Variants in IMMP2L observed in about 807,000 individuals in gnomAD.
IMMP2L encodes the protein mitochondrial inner membrane protease subunit 2.
A neutral mutation model predicts 19.3 loss-of-function variants in IMMP2L; 18 were observed. The observed-to-expected ratio is 0.93, with a 90% CI of 0.64 to 1.38. IMMP2L has a LOEUF of 1.38. IMMP2L is among the 40% of genes most tolerant of loss of function. The probability of loss-of-function intolerance (pLI) is 0.00; values close to 1 mark genes in which losing one functional copy is unlikely to be tolerated. For missense variants in IMMP2L, 233 were observed against 218.2 expected, an observed-to-expected ratio of 1.07 and a Z score of -0.43; for synonymous variants, 76 against 73.0, an observed-to-expected ratio of 1.04 and a Z score of -0.21.
chr7:111,445,917 T>C (rs1038201631), intron 3 of IMMP2L, among the ~76,000 whole-genome samples: 8 of 152,190 alleles, frequency 5.3e-5, no homozygotes, highest in Non-Finnish European at 1.2e-4. Context: ...GTCAGGGAGT[T>C]CCCTTTCCTA....
At chr7:110,730,867 T>C (rs1360010782) in intron 5 of IMMP2L, among the ~76,000 whole-genome samples, 4 of 152,210 alleles carry the variant, frequency 2.6e-5, no homozygotes, top group East Asian at 1.9e-4. Flanking sequence ...CACCCTCTTA[T>C]GGGACTTCAC....
rs186425481 is a variant in IMMP2L at position 111,528,478 on chromosome 7, A to T, written c.-2-7029T>A. On this transcript the variant is annotated intron_variant, in intron 1 of 5. Transcript: ENST00000405709. Reference sequence around the variant, plus strand: ...TTAAACTGAGAATATTTTTTAAATAAGCTTTCAGAATCAAGTGAAACCATA... The same window carrying T: ...TTAAACTGAGAATATTTTTTAAATATGCTTTCAGAATCAAGTGAAACCATA... 1.8e-3 allele frequency among the ~76,000 whole-genome samples: 281 copies of T among 152,328 alleles called. 1 individual carries two copies. The highest frequency in any genetic ancestry group is 6.5e-3 in the African/African-American group (271 of 41,576).
intron 3 of IMMP2L, among the ~76,000 whole-genome samples, chr7:110,991,975 G>T (rs1278133280): frequency 1.3e-5 from 2 of 152,030 alleles, no homozygotes; most frequent in Non-Finnish European, 2.9e-5. Context: ...CATATCCATT[G>T]GCCAAGACTT....
intron 3 of IMMP2L, among the ~76,000 whole-genome samples, chr7:111,476,764 T>C (rs747901025): frequency 2.0e-5 from 3 of 152,152 alleles, no homozygotes; most frequent in Non-Finnish European, 1.5e-5. Flanking sequence ...GGCCCCTGAA[T>C]CTTCAAAGGC....
intron 4 of IMMP2L, among the ~76,000 whole-genome samples, chr7:110,953,274 A>G (rs528264242): frequency 6.6e-6 from 1 of 152,140 alleles, no homozygotes; most frequent in East Asian, 1.9e-4. Context: ...CCATCAGCCC[A>G]TCACCTACAT....
chr7:111,229,318 T>C (rs775915476), intron 3 of IMMP2L, among the ~76,000 whole-genome samples: 58 of 151,958 alleles, frequency 3.8e-4, no homozygotes, highest in Non-Finnish European at 6.8e-4. Context: ...AACAGAAACT[T>C]AGGATAGTAA....
At chr7:111,091,022 TG>T (rs1796802450) in intron 3 of IMMP2L, 1 of 152,254 alleles carries the variant, frequency 6.6e-6, no homozygotes, top group African/African-American at 2.4e-5. Flanking sequence ...CCAACCAGAC[TG>T]GAGCAGCTGC....
At chr7:111,016,389 T>C (rs1825543376) in intron 3 of IMMP2L, among the ~76,000 whole-genome samples, 1 of 142,470 alleles carries the variant, frequency 7.0e-6, no homozygotes, top group African/African-American at 2.6e-5. Flanking sequence ...ATGATATATA[T>C]TTTTATATAT....
chr7:111,274,415 A>G (rs969340904), intron 3 of IMMP2L, among the ~76,000 whole-genome samples: 2 of 152,146 alleles, frequency 1.3e-5, no homozygotes, highest in Non-Finnish European at 2.9e-5. Flanking sequence ...TATTGCCAGT[A>G]ATTTGGGCTG....
intron 3 of IMMP2L, among the ~76,000 whole-genome samples, chr7:111,312,374 G>A (rs962960908): frequency 6.6e-5 from 10 of 152,126 alleles, no homozygotes; most frequent in Non-Finnish European, 1.3e-4. Flanking sequence ...GTGAGGCTGT[G>A]AATTCAACTT....
chr7:111,321,662 T>C (rs1824732981), intron 3 of IMMP2L, among the ~76,000 whole-genome samples: 1 of 152,014 alleles, frequency 6.6e-6, no homozygotes, highest in Non-Finnish European at 1.5e-5. Context: ...TATATAGCTA[T>C]GCTCTAAATC....
intron 3 of IMMP2L, among the ~76,000 whole-genome samples, chr7:111,385,410 C>T (rs1464863306): frequency 6.6e-6 from 1 of 152,046 alleles, no homozygotes; most frequent in Non-Finnish European, 1.5e-5. Context: ...ATTTTGGGCA[C>T]ATTAGAAAAG....
chr7:110,883,182 C>A (rs1809870652), intron 5 of IMMP2L, among the ~76,000 whole-genome samples: 1 of 152,058 alleles, frequency 6.6e-6, no homozygotes, highest in Non-Finnish European at 1.5e-5. Context: ...TTCTACTTTA[C>A]TTTTCACTGG....
At chr7:111,308,914 A>C (rs929768745) in intron 3 of IMMP2L, among the ~76,000 whole-genome samples, 2 of 152,212 alleles carry the variant, frequency 1.3e-5, no homozygotes, top group South Asian at 4.1e-4. Flanking sequence ...AAAAAAGTAC[A>C]ATATGGTATT....
chr7:110,728,574 CA>C lies in IMMP2L; in HGVS notation c.409-64854del, dbSNP rs1241811694. Among the ~76,000 whole-genome samples, 2 of 152,120 alleles carry C rather than the reference CA, an allele frequency of 1.3e-5. No individual in the cohort carries two copies. The highest frequency in any genetic ancestry group is 4.8e-5 in the African/African-American group (2 of 41,426). On this transcript the variant is annotated intron_variant, in intron 5 of 5. Coordinates refer to ENST00000405709, the MANE Select transcript of IMMP2L (RefSeq NM_032549.4). This position sits in a 1 kb window ranked among gnomAD's most constrained non-coding sequence, Gnocchi z 4.6. The stretch of plus-strand genomic sequence containing the variant: ...ACCCACCTTACCTGCAAAGAATAAT[CA>C]GGGCAGAAGGCTCACCATTATCACA...
At chr7:110,792,451 G>A (rs1742517775) in intron 5 of IMMP2L, among the ~76,000 whole-genome samples, 1 of 151,972 alleles carries the variant, frequency 6.6e-6, no homozygotes, top group African/African-American at 2.4e-5. Flanking sequence ...TCTCTTGATA[G>A]TCACTGAGAC....
intron 3 of IMMP2L, among the ~76,000 whole-genome samples, chr7:111,303,518 GACT>G (rs1300280856): frequency 6.6e-6 from 1 of 151,996 alleles, no homozygotes; most frequent in African/African-American, 2.4e-5. Context: ...CTATGATCAT[GACT>G]ATGCAAAGTT....
At chr7:111,299,333 CAGT>C in intron 3 of IMMP2L, among the ~76,000 whole-genome samples, 1 of 152,214 alleles carries the variant, frequency 6.6e-6, no homozygotes, top group Non-Finnish European at 1.5e-5. Context: ...GAATACCAAA[CAGT>C]GGTGGTACAC....
chr7:111,440,417 G>A lies in IMMP2L; in HGVS notation c.239+46821C>T, dbSNP rs866492428. 4.6e-5 allele frequency among the ~76,000 whole-genome samples: 7 copies of A among 151,864 alleles called. 1 individual carries two copies. The highest frequency in any genetic ancestry group is 1.5e-4 in the African/African-American group (6 of 41,190). ...GTTAGCAAGCAGGAAAACACTGATC[G>A]CCTTGTACATCTCCATCAGAGCTCT... On this transcript the variant is annotated intron_variant, in intron 3 of 5. Transcript: ENST00000405709.
Sources: allele counts gnomAD v4.1 joint callset (sites outside exome capture counted in the v4.1 genomes callset), GRCh38; gene constraint gnomAD v4.1.1; non-coding constraint Gnocchi (gnomAD v3.1); transcripts MANE v1.5; gene names NCBI Gene and HGNC (gene_info 2026-07-23, HGNC 2026-07-21).